The following TPH1 variants were observed in gnomAD, a reference collection of about 807,000 sequenced individuals.
The protein encoded by TPH1 is tryptophan hydroxylase 1.
A neutral mutation model predicts 49.5 loss-of-function variants in TPH1; 37 were observed. That is an observed-to-expected ratio of 0.75 (90% confidence interval 0.58 to 0.98). The LOEUF (loss-of-function observed/expected upper bound fraction) is 0.98, where lower values mean the gene tolerates loss of function less well. Ranked by LOEUF, TPH1 falls within the 50% of genes least tolerant of loss-of-function variation. TPH1 has a pLI of 0.00. For missense variants in TPH1, 487 were observed against 523.6 expected, an observed-to-expected ratio of 0.93 and a Z score of 0.68; for synonymous variants, 160 against 182.1, an observed-to-expected ratio of 0.88 and a Z score of 0.98.
chr11:18,042,912 A>G (rs1440722803), intron 1 of TPH1, among the ~76,000 whole-genome samples: 1 of 152,242 alleles, frequency 6.6e-6, no homozygotes, highest in East Asian at 1.9e-4. Context: ...TTTTGTATCA[A>G]GGTGATTTCA....
chr11:18,038,335 AT>A (rs1465995220), intron 2 of TPH1, among the ~76,000 whole-genome samples: 2 of 152,368 alleles, frequency 1.3e-5, no homozygotes, highest in African/African-American at 4.8e-5. Flanking sequence ...AGAGAACACC[AT>A]GTAGCAGTTA....
chr11:18,037,635 G>A (rs1219167157), intron 2 of TPH1, among the ~76,000 whole-genome samples: 1 of 151,726 alleles, frequency 6.6e-6, no homozygotes, highest in Non-Finnish European at 1.5e-5. Context: ...CTATGTCTTT[G>A]GAGAAAAAAA....
chr11:18,023,258 A>T (rs1289070537), intron 9 of TPH1: 4 of 283,458 alleles, frequency 1.4e-5, no homozygotes, highest in Non-Finnish European at 2.7e-5. Flanking sequence ...CCTATGTATG[A>T]CTTATATACC....
At position 18,033,316 on chromosome 11, in the gene TPH1, G is replaced by A. The variant is rs771674209; in HGVS notation, c.360C>T (p.Asn120=). ...GTTCAGATCCATACATCAGAACTCT[G>A]TTGGCACAATGGTCCAGGTCAGAAA... The part of the protein sequence containing the change: ...KKISDLDHCA[N]RVLMYGSELD... The change falls in exon 4 of 11, where the codon AAC becomes AAT. Residue 120 remains asparagine (N), a synonymous_variant. Coordinates refer to ENST00000682019, the MANE Select transcript of TPH1 (RefSeq NM_004179.3). The A allele has an allele frequency of 6.2e-7, 1 of 1,614,030 alleles. No homozygotes were observed. Among genetic ancestry groups the A allele is most frequent in the Admixed American group, 1.7e-5 (1 of 60,018 alleles).
chr11:18,029,795 T>C (rs1489583695), intron 4 of TPH1, among the ~76,000 whole-genome samples: 1 of 152,196 alleles, frequency 6.6e-6, no homozygotes, highest in African/African-American at 2.4e-5. Context: ...ATAAAAGATA[T>C]AATGGATACA....
chr11:18,025,767 T>C, intron 7 of TPH1, 66 bp from the exon 8 acceptor site: 1 of 1,597,278 alleles, frequency 6.3e-7, no homozygotes, highest in African/African-American at 1.3e-5. Flanking sequence ...AACCATTCAA[T>C]CAAATCGAAA....
intron 4 of TPH1, among the ~76,000 whole-genome samples, chr11:18,031,434 T>C (rs763632261): frequency 1.6e-4 from 24 of 152,210 alleles, no homozygotes; most frequent in Non-Finnish European, 3.4e-4. Context: ...TTTGTGTATA[T>C]GTTTTTGTAG....
intron 4 of TPH1, 56 bp downstream of exon 4, chr11:18,033,218 A>T: frequency 2.3e-6 from 3 of 1,330,770 alleles, no homozygotes; most frequent in South Asian, 2.3e-5. Flanking sequence ...GTGCCACTGC[A>T]CTCCAGTCTG....
At chr11:18,035,236 C>T (rs911360822) in intron 3 of TPH1, among the ~76,000 whole-genome samples, 1 of 152,138 alleles carries the variant, frequency 6.6e-6, no homozygotes. Flanking sequence ...GATGACAAGT[C>T]TTATGAGACT....
At chr11:18,035,472 C>T (rs1202376694) in intron 3 of TPH1, among the ~76,000 whole-genome samples, 5 of 140,314 alleles carry the variant, frequency 3.6e-5, no homozygotes, top group South Asian at 2.2e-4. Context: ...GTCACCCAAA[C>T]GGGAGTGCAG....
chr11:18,025,799 T>G (rs531110956), intron 7 of TPH1, 98 bp from the exon 8 acceptor site: 1 of 1,517,514 alleles, frequency 6.6e-7, no homozygotes, highest in East Asian at 2.3e-5. Context: ...ATTCTAATGA[T>G]CGGGTGATAA....
intron 2 of TPH1, 96 bp downstream of exon 2, chr11:18,040,550 A>C: frequency 4.1e-6 from 5 of 1,234,218 alleles, no homozygotes; most frequent in Non-Finnish European, 5.6e-6. Context: ...TTTTTTTTTA[A>C]GAGATAGGGT....
At chr11:18,034,975 T>C (rs1294431574) in intron 3 of TPH1, among the ~76,000 whole-genome samples, 2 of 152,200 alleles carry the variant, frequency 1.3e-5, no homozygotes, top group Non-Finnish European at 2.9e-5. Flanking sequence ...GATGGTTTCA[T>C]CAGGCATTGG....
chr11:18,024,685 G>A (rs887171607), intron 8 of TPH1, among the ~76,000 whole-genome samples: 4 of 152,218 alleles, frequency 2.6e-5, no homozygotes, highest in Non-Finnish European at 4.4e-5. Context: ...TCCACTGTGT[G>A]CTTTGAATGG....
chr11:18,039,592 T>C (rs773392046), intron 2 of TPH1, among the ~76,000 whole-genome samples: 2 of 152,218 alleles, frequency 1.3e-5, no homozygotes, highest in Non-Finnish European at 2.9e-5. Flanking sequence ...GTCCCCCAAG[T>C]TCAATGCTGT....
chr11:18,035,736 C>G (rs1205744680), intron 3 of TPH1, among the ~76,000 whole-genome samples: 2 of 152,036 alleles, frequency 1.3e-5, no homozygotes, highest in Non-Finnish European at 2.9e-5. Context: ...GTTTCTTATA[C>G]TCAAGATTTT....
chr11:18,043,357 C>A (rs1437553313), intron 1 of TPH1, among the ~76,000 whole-genome samples: 1 of 152,212 alleles, frequency 6.6e-6, no homozygotes. Flanking sequence ...GTAATCCCAG[C>A]ACATTGGAAA....
chr11:18,023,210 G>T, intron 9 of TPH1: 1 of 398,796 alleles, frequency 2.5e-6, no homozygotes, highest in Non-Finnish European at 4.7e-6. Context: ...ATTTATTCCT[G>T]TATTATGGCA....
rs762622414 is a variant in TPH1, at chr11:18,040,660, G to C, written c.103C>G (p.Leu35Val). ...AAAATGCTTACCTGAAAGATTTTCA[G>C]GGCTTTTATAAGTCCTCCAACTTCA... The part of the protein sequence containing the change: ...KNEVGGLIKA[L>V]KIFQEKHVNL... Residue 35 changes from leucine to valine, a missense_variant, in exon 2 of 11, where the codon CTG becomes GTG. Physicochemically the swap from Leu to Val is conservative, Grantham distance 32. Transcript: ENST00000682019. The C allele has an allele frequency of 3.1e-6, 5 of 1,611,484 alleles. No individual in the cohort carries two copies. Among genetic ancestry groups the C allele is most frequent in the Non-Finnish European group, 4.2e-6 (5 of 1,178,946 alleles).
Sources: allele counts gnomAD v4.1 joint callset (sites outside exome capture counted in the v4.1 genomes callset), GRCh38; gene constraint gnomAD v4.1.1; transcripts MANE v1.5; gene names NCBI Gene and HGNC (gene_info 2026-07-23, HGNC 2026-07-21).